The following FHIT variants were observed in gnomAD, a reference collection of about 807,000 sequenced individuals.
The protein encoded by FHIT is bis(5'-adenosyl)-triphosphatase.
A neutral mutation model predicts 17.9 loss-of-function variants in FHIT; 19 were observed. The observed-to-expected ratio is 1.06, with a 90% CI of 0.74 to 1.56. The LOEUF is 1.56. Among genes scored for constraint, FHIT ranks in the 40% most tolerant of loss-of-function variants. The pLI, the probability that FHIT is intolerant of heterozygous loss-of-function variation, is 0.00. For missense variants in FHIT, 248 were observed against 189.2 expected, an observed-to-expected ratio of 1.31 and a Z score of -1.82; for synonymous variants, 81 against 69.7, an observed-to-expected ratio of 1.16 and a Z score of -0.81.
intron 4 of FHIT, among the ~76,000 whole-genome samples, chr3:60,754,807 T>C (rs1156925008): frequency 2.0e-5 from 3 of 152,156 alleles, no homozygotes; most frequent in African/African-American, 7.2e-5. Context: ...AACTGATGAA[T>C]TCATAGAATT....
chr3:60,950,809 C>T (rs1553777042), intron 3 of FHIT, among the ~76,000 whole-genome samples: 1 of 151,284 alleles, frequency 6.6e-6, no homozygotes, highest in African/African-American at 2.4e-5. Flanking sequence ...AGGCGTGAGC[C>T]ACCATGCCCG....
At chr3:59,901,773 T>G (rs78437194) in intron 8 of FHIT, among the ~76,000 whole-genome samples, 1,592 of 152,260 alleles carry the variant, frequency 0.01, 30 homozygotes, top group African/African-American at 0.036. Flanking sequence ...GAAATTCTAT[T>G]CCTAGTTATA....
chr3:60,425,418 C>T (rs114964274), intron 5 of FHIT, among the ~76,000 whole-genome samples: 1,685 of 152,254 alleles, frequency 0.011, 13 homozygotes, highest in Middle Eastern at 0.017. Flanking sequence ...CCACCCTGGG[C>T]CTCCATCATT....
intron 4 of FHIT, among the ~76,000 whole-genome samples, chr3:60,716,399 T>A (rs2041684164): frequency 1.3e-5 from 2 of 152,200 alleles, no homozygotes; most frequent in African/African-American, 2.4e-5. Flanking sequence ...ATTATTTTTT[T>A]AAACTTTTTT....
At chr3:60,972,572 TAC>T (rs1304916069) in intron 3 of FHIT, among the ~76,000 whole-genome samples, 15 of 152,104 alleles carry the variant, frequency 9.9e-5, no homozygotes, top group African/African-American at 3.4e-4. Context: ...TTTTTTTTCT[TAC>T]ACAGTTTCTT....
intron 3 of FHIT, among the ~76,000 whole-genome samples, chr3:60,959,461 C>T (rs1553779900): frequency 1.3e-5 from 2 of 152,172 alleles, no homozygotes; most frequent in African/African-American, 2.4e-5. Context: ...GCTGAGCTGG[C>T]AACTGGACAA....
intron 8 of FHIT, among the ~76,000 whole-genome samples, chr3:59,847,554 A>C (rs551688743): frequency 6.6e-6 from 1 of 152,202 alleles, no homozygotes; most frequent in South Asian, 2.1e-4. Context: ...GTATCTGGCT[A>C]ATGGATCCAT....
intron 5 of FHIT, among the ~76,000 whole-genome samples, chr3:60,038,884 T>C (rs950147349): frequency 1.3e-5 from 2 of 152,210 alleles, no homozygotes; most frequent in Non-Finnish European, 2.9e-5. Context: ...GATTGTCTAA[T>C]GCTGTGTAAC....
chr3:60,362,115 CATG>C (rs1206303031), intron 5 of FHIT, among the ~76,000 whole-genome samples: 2 of 152,028 alleles, frequency 1.3e-5, no homozygotes, highest in African/African-American at 4.8e-5. Context: ...AAGTTTATAG[CATG>C]ATGTTATAGA....
intron 5 of FHIT, among the ~76,000 whole-genome samples, chr3:60,298,205 A>G (rs1471353244): frequency 1.3e-5 from 2 of 152,044 alleles, no homozygotes; most frequent in Non-Finnish European, 2.9e-5. Flanking sequence ...TTTCTTATGC[A>G]TGATTGATTA....
intron 5 of FHIT, among the ~76,000 whole-genome samples, chr3:60,271,659 T>C: frequency 6.6e-6 from 1 of 152,178 alleles, no homozygotes; most frequent in Non-Finnish European, 1.5e-5. Flanking sequence ...TGCTTTCCAT[T>C]ACCATGAAAT....
At chr3:60,922,525 G>T (rs1553768674) in intron 3 of FHIT, among the ~76,000 whole-genome samples, 1 of 152,164 alleles carries the variant, frequency 6.6e-6, no homozygotes, top group African/African-American at 2.4e-5. Flanking sequence ...TCAGGAGAAA[G>T]AAATTGCCTT....
chr3:60,390,990 G>A (rs925533492), intron 5 of FHIT, among the ~76,000 whole-genome samples: 14 of 152,186 alleles, frequency 9.2e-5, no homozygotes, highest in African/African-American at 3.4e-4. Context: ...GACCAGCCTG[G>A]CCAACATGGT....
At chr3:60,846,522 G>A (rs1553746524) in intron 3 of FHIT, among the ~76,000 whole-genome samples, 2 of 152,200 alleles carry the variant, frequency 1.3e-5, no homozygotes, top group African/African-American at 4.8e-5. Context: ...CACCTGTAGG[G>A]TGCAAGTTAC....
intron 5 of FHIT, among the ~76,000 whole-genome samples, chr3:60,370,634 T>C (rs1700288215): frequency 6.6e-6 from 1 of 152,148 alleles, no homozygotes; most frequent in Non-Finnish European, 1.5e-5. Flanking sequence ...CCCTCTTCTC[T>C]TTCACCCTTT....
intron 5 of FHIT, among the ~76,000 whole-genome samples, chr3:60,191,406 A>C (rs568689631): frequency 1.3e-5 from 2 of 152,300 alleles, no homozygotes; most frequent in South Asian, 2.1e-4. Context: ...ACTACTCAAA[A>C]ATCTCTCTAA....
intron 7 of FHIT, among the ~76,000 whole-genome samples, chr3:59,947,228 G>A (rs936402158): frequency 1.3e-5 from 2 of 152,078 alleles, no homozygotes; most frequent in Non-Finnish European, 2.9e-5. Flanking sequence ...TTTCTTCCCG[G>A]TTCAATCTTA....
At chr3:60,369,596 C>T (rs185459241) in intron 5 of FHIT, among the ~76,000 whole-genome samples, 22 of 152,212 alleles carry the variant, frequency 1.4e-4, no homozygotes, top group Middle Eastern at 3.4e-3. Flanking sequence ...TTCACGCTTG[C>T]TTTTATACTC....
At chr3:60,926,658 A>G (rs2107341623) in intron 3 of FHIT, among the ~76,000 whole-genome samples, 1 of 152,354 alleles carries the variant, frequency 6.6e-6, no homozygotes, top group African/African-American at 2.4e-5. Context: ...TAGAGAAGCA[A>G]GAGCAAACAT....
Sources: gnomAD v4.1 joint callset for allele counts (sites outside exome capture counted in the v4.1 genomes callset) on GRCh38, gnomAD v4.1.1 for gene constraint, MANE v1.5 for transcripts, NCBI Gene and HGNC (gene_info 2026-07-23, HGNC 2026-07-21) for gene names.